ZDHHC13: variants seen among roughly 807,000 people sequenced by gnomAD.
ZDHHC13 encodes the protein palmitoyltransferase ZDHHC13.
In ZDHHC13, 85 loss-of-function variants were observed where a neutral mutation model predicts 86.0. The observed-to-expected ratio is 0.99, with a 90% CI of 0.83 to 1.18. The LOEUF is 1.18. Ranked by LOEUF, ZDHHC13 falls within the 50% of genes most tolerant of loss-of-function variation. ZDHHC13 has a pLI of 0.00. For missense variants in ZDHHC13, 711 were observed against 730.2 expected, an observed-to-expected ratio of 0.97 and a Z score of 0.30; for synonymous variants, 263 against 246.4, an observed-to-expected ratio of 1.07 and a Z score of -0.63.
chr11:19,175,806 T>C lies in ZDHHC13; in HGVS notation c.1731-16T>C, dbSNP rs369280127. 5.3e-5 allele frequency: 85 copies of C among 1,605,744 alleles called. No homozygotes were observed. The highest frequency in any genetic ancestry group is 6.6e-5 in the Non-Finnish European group (78 of 1,177,870). On this transcript the variant is annotated splice_polypyrimidine_tract_variant and intron_variant, in intron 16 of 16. Coordinates refer to ENST00000446113, the MANE Select transcript of ZDHHC13 (RefSeq NM_019028.3). ...AAATATAGTAAGACATGTTCTCTTT[T>C]TTTTTTTCTTGGCAGTCTTGGATTC... is the stretch of plus-strand genomic sequence containing the variant.
intron 9 of ZDHHC13, among the ~76,000 whole-genome samples, chr11:19,158,480 T>C (rs1040171945): frequency 1.3e-5 from 2 of 152,166 alleles, no homozygotes; most frequent in African/African-American, 4.8e-5. Context: ...CTTAAGGTTG[T>C]GTGCATCAGT....
chr11:19,135,720 A>G (rs993743695), intron 1 of ZDHHC13, among the ~76,000 whole-genome samples: 1 of 152,254 alleles, frequency 6.6e-6, no homozygotes, highest in African/African-American at 2.4e-5. Flanking sequence ...ATGCAGCTGG[A>G]GATCTGAGAA....
intron 14 of ZDHHC13, chr11:19,167,700 A>C (rs1351120971): frequency 6.6e-6 from 1 of 152,228 alleles, no homozygotes; most frequent in South Asian, 2.1e-4. Context: ...TAGGTCTAAT[A>C]GTCAGAAGGT....
chr11:19,146,760 A>G (rs545789717), intron 3 of ZDHHC13, among the ~76,000 whole-genome samples: 3 of 152,336 alleles, frequency 2.0e-5, no homozygotes, highest in South Asian at 4.1e-4. Flanking sequence ...TTTCCCCTTC[A>G]TAAAGCACTA....
intron 10 of ZDHHC13, among the ~76,000 whole-genome samples, chr11:19,160,333 T>G (rs1849876180): frequency 6.6e-6 from 1 of 151,980 alleles, no homozygotes; most frequent in African/African-American, 2.4e-5. Flanking sequence ...GTGGCAGTTT[T>G]TTAAGCACTA....
At chr11:19,167,725 T>G (rs895614842) in intron 14 of ZDHHC13, 1 of 152,218 alleles carries the variant, frequency 6.6e-6, no homozygotes, top group African/African-American at 2.4e-5. Flanking sequence ...ATCTCTGAGC[T>G]CAGTTCTTGT....
At position 19,133,250 on chromosome 11, in the gene ZDHHC13, T is replaced by G. The variant is rs115464238; in HGVS notation, c.28-9728T>G. Among the ~76,000 whole-genome samples, 1,033 of 152,180 alleles carry G rather than the reference T, an allele frequency of 6.8e-3. 8 individuals are homozygous for G. Among genetic ancestry groups the G allele is most frequent in the African/African-American group, 0.023 (975 of 41,526 alleles). On this transcript the variant is annotated intron_variant, in intron 1 of 16. Coordinates refer to ENST00000446113, the MANE Select transcript of ZDHHC13 (RefSeq NM_019028.3). Reference sequence around the variant, plus strand: ...AGAGCAACAGAAGCACTCATACCCTTCAGGGGAAAGTTTAACTGGTACAAC... The same window carrying G: ...AGAGCAACAGAAGCACTCATACCCTGCAGGGGAAAGTTTAACTGGTACAAC...
Position 19,133,245 on chromosome 11 carries a change from A to G in ZDHHC13, c.28-9733A>G, listed in dbSNP as rs568918249. On this transcript the variant is annotated intron_variant, in intron 1 of 16. Transcript: ENST00000446113. ...GGATTAGAGCAACAGAAGCACTCAT[A>G]CCCTTCAGGGGAAAGTTTAACTGGT... Among the ~76,000 whole-genome samples, 6 of 152,246 alleles carry G rather than the reference A, an allele frequency of 3.9e-5. No individual in the cohort carries two copies. The South Asian group carries it at 1.2e-3, about 32-fold the overall frequency.
chr11:19,162,058 G>A (rs978719247), intron 10 of ZDHHC13, among the ~76,000 whole-genome samples: 3 of 152,190 alleles, frequency 2.0e-5, no homozygotes, highest in Non-Finnish European at 4.4e-5. Flanking sequence ...TATAAGGACA[G>A]TGTTGCTGTT....
At chr11:19,133,942 T>TATATATATATATATACACACAC in intron 1 of ZDHHC13, among the ~76,000 whole-genome samples, 2 of 96,084 alleles carry the variant, frequency 2.1e-5, no homozygotes, top group Non-Finnish European at 4.6e-5. Context: ...TATATATATA[T>TATATATATATATATACACACAC]ACACGTATGT....
chr11:19,141,748 T>A (rs542064719), intron 1 of ZDHHC13, among the ~76,000 whole-genome samples: 1 of 151,734 alleles, frequency 6.6e-6, no homozygotes, highest in East Asian at 1.9e-4. Context: ...TGTTTGAGAT[T>A]AGAAACACTC....
rs2133469430 is a variant in ZDHHC13, at chr11:19,166,377, C to T, written c.1466C>T (p.Ser489Phe). Reference protein sequence around the residue: ...SMVCGWIIYGSFIYLSSHCAT... With the variant: ...SMVCGWIIYGFFIYLSSHCAT... Reference sequence around the variant, plus strand: ...GTATGTGGCTGGATTATATATGGATCTTTCATCTGTAAGTGTAAATTTTTC... The same window carrying T: ...GTATGTGGCTGGATTATATATGGATTTTTCATCTGTAAGTGTAAATTTTTC... The change falls in exon 14 of 17, where the codon TCT (serine) becomes TTT (phenylalanine). Residue 489 changes from serine to phenylalanine, a missense_variant. Transcript: ENST00000446113. 6.2e-7 allele frequency: 1 copy of T among 1,610,860 alleles called. No individual in the cohort carries two copies. Among genetic ancestry groups the T allele is most frequent in the East Asian group, 2.2e-5 (1 of 44,754 alleles).
chr11:19,147,519 GA>G, intron 3 of ZDHHC13, 76 bp from the exon 4 acceptor site: 2 of 1,272,162 alleles, frequency 1.6e-6, no homozygotes, highest in African/African-American at 1.5e-5. Context: ...TTATTACTAT[GA>G]AAAAATTAGT....
intron 9 of ZDHHC13, among the ~76,000 whole-genome samples, chr11:19,157,241 C>T (rs1055969305): frequency 2.0e-5 from 3 of 152,216 alleles, no homozygotes; most frequent in African/African-American, 4.8e-5. Flanking sequence ...AAGCAGGAAA[C>T]TTGTCTCTGC....
chr11:19,150,643 G>A, intron 5 of ZDHHC13, 84 bp from the exon 6 acceptor site: 2 of 1,145,704 alleles, frequency 1.7e-6, no homozygotes, highest in Non-Finnish European at 2.6e-6. Context: ...AGTATTGAAT[G>A]TATTAAAGAG....
At chr11:19,149,784 A>G (rs2133422955) in intron 5 of ZDHHC13, among the ~76,000 whole-genome samples, 1 of 152,348 alleles carries the variant, frequency 6.6e-6, no homozygotes, top group African/African-American at 2.4e-5. Context: ...ACTTGCCTTG[A>G]GAGGCACAGG....
chr11:19,162,366 A>T (rs896725433), intron 10 of ZDHHC13, among the ~76,000 whole-genome samples: 17 of 152,196 alleles, frequency 1.1e-4, no homozygotes, highest in African/African-American at 3.9e-4. Flanking sequence ...TATAGTCCAC[A>T]TCTGAGTGCC....
At chr11:19,157,401 A>G (rs1004572254) in intron 9 of ZDHHC13, among the ~76,000 whole-genome samples, 1 of 152,234 alleles carries the variant, frequency 6.6e-6, no homozygotes, top group Non-Finnish European at 1.5e-5. Flanking sequence ...ATTCTCTGGC[A>G]TAAGCATGCC....
Position 19,164,369 on chromosome 11 carries a change from T to G in ZDHHC13, c.1296+6T>G. Reference sequence around the variant, plus strand: ...CATTTTGTACATCATGTCTTGTGAGTTTTTTCATATAATTTTTTTCCGTAG... The same window carrying G: ...CATTTTGTACATCATGTCTTGTGAGGTTTTTCATATAATTTTTTTCCGTAG... On this transcript the variant is annotated splice_donor_region_variant and intron_variant, in intron 12 of 16. Transcript: ENST00000446113. 1 of 1,611,920 alleles carries G rather than the reference T, an allele frequency of 6.2e-7. No individual in the cohort carries two copies. The highest frequency in any genetic ancestry group is 2.2e-5 in the East Asian group (1 of 44,830).
Sources: gnomAD v4.1 joint callset for allele counts (sites outside exome capture counted in the v4.1 genomes callset) on GRCh38, gnomAD v4.1.1 for gene constraint, MANE v1.5 for transcripts, NCBI Gene and HGNC (gene_info 2026-07-23, HGNC 2026-07-21) for gene names.